AGBL4: variants seen among roughly 807,000 people sequenced by gnomAD.
AGBL4 encodes the protein AGBL carboxypeptidase 4, also known as cytosolic carboxypeptidase 6.
Under a neutral mutation model 66.4 loss-of-function variants are expected in AGBL4, and 58 were observed. The observed-to-expected ratio is 0.87, with a 90% CI of 0.71 to 1.09. AGBL4 has a LOEUF of 1.09. Ranked by LOEUF, AGBL4 falls within the 50% of genes least tolerant of loss-of-function variation. AGBL4 has a pLI of 0.00. For synonymous variants in AGBL4, 234 were observed against 222.9 expected (o/e 1.05, Z -0.44); for missense variants, 579 against 631.0 (o/e 0.92, Z 0.88).
intron 3 of AGBL4, among the ~76,000 whole-genome samples, chr1:49,385,185 G>A (rs1003205853): frequency 2.0e-5 from 3 of 152,116 alleles, no homozygotes; most frequent in Non-Finnish European, 4.4e-5. Context: ...GTATAGAGCT[G>A]CGTTTTTCAA....
At chr1:49,523,560 A>G (rs1447188012) in intron 3 of AGBL4, among the ~76,000 whole-genome samples, 1 of 152,072 alleles carries the variant, frequency 6.6e-6, no homozygotes, top group Admixed American at 6.5e-5. Flanking sequence ...CCTAATTTCC[A>G]TAACTTTAAG....
At chr1:48,925,760 C>CTA (rs1015926341) in intron 5 of AGBL4, among the ~76,000 whole-genome samples, 2 of 152,148 alleles carry the variant, frequency 1.3e-5, no homozygotes, top group Non-Finnish European at 2.9e-5. Context: ...GGAGGGCCAA[C>CTA]TATATATATG....
intron 3 of AGBL4, among the ~76,000 whole-genome samples, chr1:49,391,486 T>C (rs1644843870): frequency 6.6e-6 from 1 of 151,438 alleles, no homozygotes; most frequent in African/African-American, 2.4e-5. Flanking sequence ...GAGGAACAGA[T>C]GTAAGAGATG....
intron 5 of AGBL4, among the ~76,000 whole-genome samples, chr1:48,877,064 C>G (rs1649301767): frequency 6.6e-6 from 1 of 152,048 alleles, no homozygotes; most frequent in Non-Finnish European, 1.5e-5. Flanking sequence ...AAACTGAGGC[C>G]ACAGAAGGAA....
intron 6 of AGBL4, among the ~76,000 whole-genome samples, chr1:48,669,167 C>T (rs557978041): frequency 7.2e-5 from 11 of 152,290 alleles, no homozygotes; most frequent in Admixed American, 7.2e-4. Context: ...AGACCTTGGG[C>T]CAATTATTTA....
intron 3 of AGBL4, among the ~76,000 whole-genome samples, chr1:49,380,173 G>A (rs542075999): frequency 1.3e-5 from 2 of 152,166 alleles, no homozygotes; most frequent in South Asian, 2.1e-4. Flanking sequence ...CAAAATCAAT[G>A]TACAAAAATC....
At chr1:49,766,901 A>T (rs1652771339) in intron 2 of AGBL4, among the ~76,000 whole-genome samples, 1 of 152,188 alleles carries the variant, frequency 6.6e-6, no homozygotes, top group Non-Finnish European at 1.5e-5. Context: ...AAGAAGACTG[A>T]ACTATCCTAA....
At chr1:49,134,603 G>T (rs576575844) in intron 4 of AGBL4, among the ~76,000 whole-genome samples, 1 of 151,522 alleles carries the variant, frequency 6.6e-6, no homozygotes, top group African/African-American at 2.4e-5. Context: ...ATATGGCTCT[G>T]TCCTGCCTGG....
intron 1 of AGBL4, among the ~76,000 whole-genome samples, chr1:49,924,799 T>C (rs1035208483): frequency 3.0e-4 from 46 of 152,276 alleles, no homozygotes; most frequent in African/African-American, 1.0e-3. Flanking sequence ...AGGAGCAAGA[T>C]GGCTGAAGAG....
At chr1:49,792,117 C>G (rs1644616480) in intron 2 of AGBL4, among the ~76,000 whole-genome samples, 1 of 152,062 alleles carries the variant, frequency 6.6e-6, no homozygotes, top group African/African-American at 2.4e-5. Flanking sequence ...ACTTTCATCA[C>G]TTGTCTTCCT....
chr1:49,003,935 A>C (rs1301983844), intron 5 of AGBL4, among the ~76,000 whole-genome samples: 1 of 152,142 alleles, frequency 6.6e-6, no homozygotes, highest in Non-Finnish European at 1.5e-5. Context: ...TCAGACATCT[A>C]TCTCTCTAGC....
intron 3 of AGBL4, among the ~76,000 whole-genome samples, chr1:49,314,048 G>C (rs1046986205): frequency 1.3e-5 from 2 of 152,136 alleles, no homozygotes; most frequent in Non-Finnish European, 2.9e-5. Context: ...TTTTGTATAA[G>C]TTGTAAGGAA....
At position 48,767,919 on chromosome 1, in the gene AGBL4, A is replaced by C. The variant is rs565280584; in HGVS notation, c.634+99272T>G. 8.5e-5 allele frequency among the ~76,000 whole-genome samples: 13 copies of C among 152,340 alleles called. No individual in the cohort carries two copies. The South Asian group carries it at 2.7e-3, about 32-fold the overall frequency. On this transcript the variant is annotated intron_variant, in intron 6 of 13. Transcript: ENST00000371839. ...TCATCCATTCAACAAATACTGAGTG[A>C]GCACCTACTATGTGCCAGGCTCTGG...
chr1:49,900,822 C>T (rs1649692657), intron 1 of AGBL4, among the ~76,000 whole-genome samples: 1 of 152,182 alleles, frequency 6.6e-6, no homozygotes, highest in Admixed American at 6.5e-5. Flanking sequence ...CTATTAAAGG[C>T]TGACAGCTTC....
intron 9 of AGBL4, among the ~76,000 whole-genome samples, chr1:48,620,644 ATGGTGATAAT>A (rs1272542989): frequency 6.6e-6 from 1 of 152,190 alleles, no homozygotes; most frequent in Non-Finnish European, 1.5e-5. Context: ...AAGTTTAAAG[ATGGTGATAAT>A]TGGTGATAAT....
At chr1:49,167,009 G>A (rs1646647910) in intron 4 of AGBL4, among the ~76,000 whole-genome samples, 1 of 152,100 alleles carries the variant, frequency 6.6e-6, no homozygotes, top group African/African-American at 2.4e-5. Flanking sequence ...CACACCCAAT[G>A]TTTATACTGT....
In AGBL4 at chr1:48,579,681, C is replaced by T. The variant is rs184958141; in HGVS notation, c.1267+7323G>A. Among the ~76,000 whole-genome samples the T allele has an allele frequency of 3.4e-5, 5 of 149,154 alleles. No individual in the cohort carries two copies. The East Asian group carries it at 6.2e-4, about 18-fold the overall frequency. On this transcript the variant is annotated intron_variant, in intron 11 of 13. Transcript: ENST00000371839. ...ATCCCAGCACTTTGGGAGGCTGAGG[C>T]GGATGGATCACGAGGTCAGGAGATC...
chr1:49,540,367 A>T (rs1446129465), intron 3 of AGBL4, among the ~76,000 whole-genome samples: 1 of 152,186 alleles, frequency 6.6e-6, no homozygotes, highest in African/African-American at 2.4e-5. Flanking sequence ...AGTCTAACTC[A>T]AATGCCAACT....
chr1:49,045,605 C>T lies in AGBL4; in HGVS notation c.573G>A (p.Arg191=), dbSNP rs776215709. The part of the protein sequence containing the change: ...LQKRNMDYFF[R]EQLGQSVQQR... ...TTACCACACTCTGGCCCAGCTGCTC[C>T]CGAAAGAAGTAATCCATGTTTCTCT... is the stretch of plus-strand genomic sequence containing the variant. The change falls in exon 5 of 14, where the codon CGG becomes CGA. Residue 191 remains arginine, a synonymous_variant. Transcript: ENST00000371839. 1.2e-6 allele frequency: 2 copies of T among 1,604,306 alleles called. No individual in the cohort carries two copies. The highest frequency in any genetic ancestry group is 3.4e-5 in the Admixed American group (2 of 59,094).
Sources: allele counts gnomAD v4.1 joint callset (sites outside exome capture counted in the v4.1 genomes callset), GRCh38; gene constraint gnomAD v4.1.1; transcripts MANE v1.5; gene names NCBI Gene and HGNC (gene_info 2026-07-23, HGNC 2026-07-21).